ISLR2: variants seen among roughly 807,000 people sequenced by gnomAD.
ISLR2 encodes immunoglobulin superfamily containing leucine rich repeat 2, also known as immunoglobulin superfamily containing leucine-rich repeat protein 2.
In ISLR2, 16 loss-of-function variants were observed where a neutral mutation model predicts 25.5. The observed-to-expected ratio is 0.63, with a 90% CI of 0.43 to 0.95. The LOEUF is 0.95. ISLR2 is among the 40% of genes least tolerant of loss of function. ISLR2 has a pLI of 0.00. For synonymous variants in ISLR2, 508 were observed against 486.6 expected, an observed-to-expected ratio of 1.04 and a Z score of -0.58; for missense variants, 883 against 1,030.7, an observed-to-expected ratio of 0.86 and a Z score of 1.96.
intron 2 of ISLR2, among the ~76,000 whole-genome samples, chr15:74,111,812 T>C (rs527999189): frequency 1.3e-5 from 2 of 152,162 alleles, no homozygotes; most frequent in South Asian, 4.2e-4. Flanking sequence ...GGAGTAGGAA[T>C]AGTGGAGGGG....
rs769762287 is a variant in ISLR2, at chr15:74,132,881, C to T, written c.127C>T (p.Arg43Cys). 3.1e-6 allele frequency: 5 copies of T among 1,614,104 alleles called. No homozygotes were observed. In the Admixed American group the frequency reaches 5.0e-5, roughly 16 times the overall value. ...CGCGGACTGCGCTTACAAAGAGTTG[C>T]GTGAGGTGCCGGAAGGACTGCCTGC... ...QFADCAYKELREVPEGLPANV... is the reference protein window; with the variant it reads ...QFADCAYKELCEVPEGLPANV... Residue 43 changes from arginine to cysteine, a missense_variant, in exon 3 of 3, where the codon CGT becomes TGT. Arg to Cys is a radical substitution (Grantham distance 180). Transcript: ENST00000453268. The surrounding 1 kb of genome is among the most constrained non-coding windows in gnomAD (Gnocchi z 4.3).
At chr15:74,111,508 C>G (rs1243756756) in intron 2 of ISLR2, among the ~76,000 whole-genome samples, 2 of 151,696 alleles carry the variant, frequency 1.3e-5, no homozygotes, top group African/African-American at 2.4e-5. Context: ...AGGCTGGTCT[C>G]GAACTCCTGG....
chr15:74,128,837 A>G (rs2072341525), upstream of ISLR2: 1 of 398,424 alleles, frequency 2.5e-6, no homozygotes, highest in South Asian at 1.8e-5. Context: ...CAACACCCGG[A>G]CAACTGCCCA....
rs1207516623 is a variant in ISLR2 at position 74,133,803 on chromosome 15, C to T, written c.1049C>T (p.Ala350Val). 2 of 1,613,826 alleles carry T rather than the reference C, an allele frequency of 1.2e-6. No homozygotes were observed. Among genetic ancestry groups the T allele is most frequent in the Non-Finnish European group, 1.7e-6 (2 of 1,179,926 alleles). Residue 350 changes from alanine to valine, a missense_variant, in exon 3 of 3, where the codon GCG (alanine) becomes GTG (valine). Physicochemically the swap from Ala to Val is moderately conservative, Grantham distance 64. Coordinates refer to ENST00000453268, the MANE Select transcript of ISLR2 (RefSeq NM_020851.3). ...GTGCCCCTCCTGAGTGCCAAGGAGG[C>T]GGGCGTCTACACTTGCCGTGCACAC... ...LLVPLLSAKEAGVYTCRAHNE... is the reference protein window; with the variant it reads ...LLVPLLSAKEVGVYTCRAHNE...
chr15:74,125,047 C>T (rs1284146535), upstream of ISLR2, among the ~76,000 whole-genome samples: 3 of 152,160 alleles, frequency 2.0e-5, no homozygotes, highest in East Asian at 5.8e-4. Context: ...CACATCATCC[C>T]CAGCCCCCAC....
chr15:74,127,694 C>CA (rs1399082711), upstream of ISLR2: 2 of 152,472 alleles, frequency 1.3e-5, no homozygotes, highest in African/African-American at 4.8e-5. Flanking sequence ...GCCCGGCAAG[C>CA]GGCTTCCAGC....
chr15:74,130,942 G>T (rs543692681), intron 1 of ISLR2: 1 of 152,222 alleles, frequency 6.6e-6, no homozygotes, highest in South Asian at 2.1e-4. Flanking sequence ...CAGGACAGTG[G>T]GCGTGGGATG....
chr15:74,128,793 G>A (rs565067583), upstream of ISLR2: 3 of 422,296 alleles, frequency 7.1e-6, no homozygotes, highest in African/African-American at 6.3e-5. Flanking sequence ...TCCTTCCCAG[G>A]CACAGGCTCC....
chr15:74,118,140 A>T (rs2141934903), intron 2 of ISLR2, among the ~76,000 whole-genome samples: 1 of 152,318 alleles, frequency 6.6e-6, no homozygotes, highest in Non-Finnish European at 1.5e-5. Flanking sequence ...ATAAAGGGAA[A>T]GAGTACAAAA....
Position 74,133,754 on chromosome 15 carries a change from G to T in ISLR2, c.1000G>T (p.Ala334Ser). Residue 334 changes from alanine (A) to serine (S), a missense_variant, in exon 3 of 3, where the codon GCC becomes TCC. Transcript: ENST00000453268. The part of the protein sequence containing the change: ...PAPPATPRFL[A>S]LANGSLLVPL... ...GCCCCCAGCCACACCGCGCTTCCTG[G>T]CCCTCGCAAATGGCTCCCTGTTGGT... The T allele has an allele frequency of 6.2e-7, 1 of 1,613,406 alleles. No individual in the cohort carries two copies. The highest frequency in any genetic ancestry group is 8.5e-7 in the Non-Finnish European group (1 of 1,179,744).
intron 2 of ISLR2, among the ~76,000 whole-genome samples, chr15:74,115,877 A>G (rs548199051): frequency 6.6e-6 from 1 of 150,558 alleles, no homozygotes; most frequent in East Asian, 2.0e-4. Context: ...GAAGAGAGAA[A>G]TAGAAGATAT....
At chr15:74,121,729 T>G (rs1367320849) in intron 2 of ISLR2, among the ~76,000 whole-genome samples, 1 of 152,184 alleles carries the variant, frequency 6.6e-6, no homozygotes, top group East Asian at 1.9e-4. Context: ...TCCCCCAGAC[T>G]TGGCCATTTG....
At chr15:74,129,241 A>C (rs1489811750), upstream of ISLR2, 1 of 355,884 alleles carries the variant, frequency 2.8e-6, no homozygotes, top group African/African-American at 2.1e-5. This position sits in a 1 kb window ranked among gnomAD's most constrained non-coding sequence, Gnocchi z 4.5. Context: ...TTGGAGTGTG[A>C]GCGCACCAGT....
chr15:74,124,486 A>C (rs894122382), upstream of ISLR2, among the ~76,000 whole-genome samples: 44 of 152,166 alleles, frequency 2.9e-4, no homozygotes, highest in Non-Finnish European at 4.4e-5. Flanking sequence ...GGCTGGGCAC[A>C]GTGGCTTACA....
Position 74,134,397 on chromosome 15 carries a change from A to G in ISLR2, c.1643A>G (p.Glu548Gly). The stretch of plus-strand genomic sequence containing the variant: ...GCAGTGCAGTGGTCCCGCGTAGAGG[A>G]AGGCGTCAACGCCTACTGGTTCCGC... ...GAAVQWSRVE[E>G]GVNAYWFRGL... is the part of the protein sequence containing the mutation. Residue 548 changes from glutamate (E) to glycine (G), a missense_variant, in exon 3 of 3, where the codon GAA (glutamate) becomes GGA (glycine). Glu to Gly is a moderately conservative substitution (Grantham distance 98). Around this residue, in one of 2 missense-constraint regions of ISLR2, gnomAD observed 612 missense variants for 642.8 expected, o/e 0.95. Coordinates refer to ENST00000453268, the MANE Select transcript of ISLR2 (RefSeq NM_020851.3). 6.2e-7 allele frequency: 1 copy of G among 1,610,498 alleles called. No homozygotes were observed. Among genetic ancestry groups the G allele is most frequent in the Non-Finnish European group, 8.5e-7 (1 of 1,179,280 alleles).
In ISLR2 at chr15:74,134,413, C is replaced by T. The variant is rs551946130; in HGVS notation, c.1659C>T (p.Tyr553=). 1.2e-4 allele frequency: 191 copies of T among 1,611,106 alleles called. 1 individual carries two copies. Among genetic ancestry groups the T allele is most frequent in the Admixed American group, 6.0e-4 (36 of 59,744 alleles). The stretch of plus-strand genomic sequence containing the variant: ...GCGTAGAGGAAGGCGTCAACGCCTA[C>T]TGGTTCCGCGGCCTGCGGCCGGGTA... ...WSRVEEGVNA[Y]WFRGLRPGTN... is the part of the protein sequence containing the mutation. The change falls in exon 3 of 3, where the codon TAC becomes TAT. Residue 553 remains tyrosine, a synonymous_variant. Transcript: ENST00000453268.
downstream of ISLR2, chr15:74,138,288 C>CTTTTTTTTTTTTTTTTTTTTTTTTTTT (rs34518777): frequency 1.1e-5 from 1 of 91,676 alleles, no homozygotes; most frequent in African/African-American, 4.1e-5. Flanking sequence ...TTTCTTTTCT[C>CTTTTTTTTTTTTTTTTTTTTTTTTTTT]TTTTTTTTTT....
chr15:74,110,842 C>T (rs916003770), intron 2 of ISLR2, among the ~76,000 whole-genome samples: 6 of 152,090 alleles, frequency 3.9e-5, no homozygotes, highest in African/African-American at 1.2e-4. Flanking sequence ...ACCTGTAATC[C>T]CAGCTGCTTG....
In ISLR2 at chr15:74,132,187, A is replaced by T. The variant is rs1196470247; in HGVS notation, c.-8-560A>T. ...GTGCATATGTGTTTGTGAGTTTAGG[A>T]AATGTGTTGTGAGCCTCCTAATTGA... is the stretch of plus-strand genomic sequence containing the variant. On this transcript the variant is annotated intron_variant, in intron 2 of 2. Transcript: ENST00000453268. The surrounding 1 kb of genome is among the most constrained non-coding windows in gnomAD (Gnocchi z 4.3). Among the ~76,000 whole-genome samples the T allele has an allele frequency of 6.6e-6, 1 of 152,180 alleles. No homozygotes were observed. Among genetic ancestry groups the T allele is most frequent in the Non-Finnish European group, 1.5e-5 (1 of 68,030 alleles).
Sources: gnomAD v4.1 joint callset for allele counts (sites outside exome capture counted in the v4.1 genomes callset) on GRCh38, gnomAD v4.1.1 for gene constraint, gnomAD v4.1.1 regional missense constraint, Gnocchi (gnomAD v3.1) non-coding constraint, MANE v1.5 for transcripts, NCBI Gene and HGNC (gene_info 2026-07-23, HGNC 2026-07-21) for gene names.